Variants in GKAP1 observed in about 807,000 individuals in gnomAD.
GKAP1 encodes G kinase-anchoring protein 1.
GKAP1 carries 31 observed loss-of-function variants against 56.7 expected under a neutral mutation model. That is an observed-to-expected ratio of 0.55 (90% confidence interval 0.41 to 0.74). The LOEUF (loss-of-function observed/expected upper bound fraction) is 0.74. Ranked by LOEUF, GKAP1 falls within the 30% of genes least tolerant of loss-of-function variation. The pLI, the probability that GKAP1 is intolerant of heterozygous loss-of-function variation, is 0.00. For missense variants in GKAP1, 364 were observed against 402.3 expected (o/e 0.90, Z 0.82); for synonymous variants, 151 against 138.6 (o/e 1.09, Z -0.63).
chr9:83,806,203 G>A, intron 3 of GKAP1, 99 bp downstream of exon 3: 1 of 692,952 alleles, frequency 1.4e-6, no homozygotes, highest in Non-Finnish European at 2.4e-6. Context: ...GAGTACCTGT[G>A]GAACAGGTAC....
At chr9:83,751,394 T>G (rs1258307734) in intron 9 of GKAP1, among the ~76,000 whole-genome samples, 1 of 152,226 alleles carries the variant, frequency 6.6e-6, no homozygotes, top group Non-Finnish European at 1.5e-5. Flanking sequence ...TCCTACATTG[T>G]ACTGCAACTA....
intron 8 of GKAP1, among the ~76,000 whole-genome samples, chr9:83,762,358 T>G (rs1943588070): frequency 6.6e-6 from 1 of 151,018 alleles, no homozygotes; most frequent in Non-Finnish European, 1.5e-5. Context: ...CCAAACAAGA[T>G]CTCCATAATG....
intron 7 of GKAP1, among the ~76,000 whole-genome samples, chr9:83,769,427 A>C (rs150473177): frequency 0.011 from 1,641 of 152,242 alleles, 21 homozygotes; most frequent in Admixed American, 0.031. Context: ...AGGCAACACT[A>C]ATCTATTTAC....
intron 3 of GKAP1, among the ~76,000 whole-genome samples, chr9:83,802,534 G>T (rs906408725): frequency 6.6e-6 from 1 of 151,358 alleles, no homozygotes; most frequent in Non-Finnish European, 1.5e-5. Context: ...TACATTCAAT[G>T]CAAGTTACAG....
chr9:83,805,112 T>C (rs1327423568), intron 3 of GKAP1, among the ~76,000 whole-genome samples: 7 of 152,176 alleles, frequency 4.6e-5, no homozygotes, highest in Admixed American at 3.9e-4. Context: ...CTTTTCATTT[T>C]GTTCTGTACT....
intron 8 of GKAP1, among the ~76,000 whole-genome samples, chr9:83,766,356 C>G (rs1005706754): frequency 3.3e-5 from 5 of 151,790 alleles, no homozygotes; most frequent in African/African-American, 4.8e-5. Context: ...TGGACTAATA[C>G]GCTTGGATTG....
intron 9 of GKAP1, among the ~76,000 whole-genome samples, chr9:83,750,525 C>A (rs1484961912): frequency 6.6e-6 from 1 of 152,034 alleles, no homozygotes; most frequent in African/African-American, 2.4e-5. Context: ...ATCATCATCG[C>A]AAATATCTTC....
rs138618659 is a variant in GKAP1, at chr9:83,807,163, G to A, written c.-43-603C>T. Among the ~76,000 whole-genome samples, 261 of 152,324 alleles carry A rather than the reference G, an allele frequency of 1.7e-3. 1 individual carries two copies. The highest frequency in any genetic ancestry group is 5.8e-3 in the African/African-American group (243 of 41,574). On this transcript the variant is annotated intron_variant, in intron 2 of 12. Transcript: ENST00000376371. ...CTAGTTTCCATGCAAGCATAGGTCA[G>A]TGTAGCTTCATTCCATGTGCTGTCA...
intron 2 of GKAP1, among the ~76,000 whole-genome samples, chr9:83,810,997 T>C (rs1944498667): frequency 6.6e-6 from 1 of 152,238 alleles, no homozygotes; most frequent in Admixed American, 6.5e-5. Flanking sequence ...CAATGGTAAG[T>C]ATTTGTATAT....
At chr9:83,796,544 C>T (rs1192094483) in intron 4 of GKAP1, among the ~76,000 whole-genome samples, 3 of 152,120 alleles carry the variant, frequency 2.0e-5, no homozygotes, top group African/African-American at 2.4e-5. Context: ...AATCTTGGCT[C>T]ACAACCTCTG....
chr9:83,766,542 A>G (rs1943666763), intron 8 of GKAP1, among the ~76,000 whole-genome samples: 1 of 152,238 alleles, frequency 6.6e-6, no homozygotes, highest in South Asian at 2.1e-4. Flanking sequence ...GCATTAGAGT[A>G]AAAAGTTCTT....
In GKAP1 at chr9:83,739,504, T is replaced by C. The variant is rs1336666383; in HGVS notation, c.*193A>G. 9 of 422,672 alleles carry C rather than the reference T, an allele frequency of 2.1e-5. No individual in the cohort carries two copies. Among genetic ancestry groups the C allele is most frequent in the African/African-American group, 1.6e-4 (8 of 49,466 alleles). The allele number at this position is 422,672 out of a possible 1,614,324, so 26.2% of individuals were successfully genotyped here. A position where few individuals can be genotyped will look rare whatever the true frequency, so the allele number is the denominator to read the frequency against. ...TGGATAGTAGACAACCACTGAATTCTGCTGGAATTCTCTATTTCTTCTTTT... is the reference window on the plus strand; with the variant it reads ...TGGATAGTAGACAACCACTGAATTCCGCTGGAATTCTCTATTTCTTCTTTT... On this transcript the variant is annotated 3_prime_UTR_variant, in exon 13 of 13. Coordinates refer to ENST00000376371, the MANE Select transcript of GKAP1 (RefSeq NM_025211.4).
At chr9:83,808,688 A>T (rs953229454) in intron 2 of GKAP1, among the ~76,000 whole-genome samples, 7 of 152,196 alleles carry the variant, frequency 4.6e-5, no homozygotes. Flanking sequence ...ATTAATATTC[A>T]ATTTTAAATG....
At chr9:83,788,731 C>A in intron 4 of GKAP1, 53 bp from the exon 5 acceptor site, 1 of 1,036,228 alleles carries the variant, frequency 9.7e-7, no homozygotes, top group South Asian at 1.3e-5. Context: ...ATCACATGAG[C>A]AAAATAACCA....
chr9:83,808,231 A>C (rs766236064), intron 2 of GKAP1, among the ~76,000 whole-genome samples: 5 of 152,234 alleles, frequency 3.3e-5, no homozygotes, highest in Non-Finnish European at 7.3e-5. Flanking sequence ...AAATGTTTCA[A>C]AATGGAAAAG....
intron 8 of GKAP1, among the ~76,000 whole-genome samples, chr9:83,763,039 A>G (rs1384042144): frequency 6.6e-6 from 1 of 152,232 alleles, no homozygotes; most frequent in African/African-American, 2.4e-5. Flanking sequence ...AAGCAACCTA[A>G]GTGTACATCA....
chr9:83,811,489 C>G (rs1006812969), intron 2 of GKAP1, among the ~76,000 whole-genome samples: 1 of 152,096 alleles, frequency 6.6e-6, no homozygotes, highest in African/African-American at 2.4e-5. Context: ...ACAAAACAAA[C>G]ACAAAGCAAA....
At chr9:83,754,730 C>T (rs1943446151) in intron 8 of GKAP1, among the ~76,000 whole-genome samples, 1 of 152,162 alleles carries the variant, frequency 6.6e-6, no homozygotes, top group South Asian at 2.1e-4. Context: ...CCTGGAGGGC[C>T]TTGAAGGCCA....
chr9:83,788,670 A>T lies in GKAP1; in HGVS notation c.369T>A (p.Ser123=), dbSNP rs1474632501. Residue 123 remains serine (S), a synonymous_variant, in exon 5 of 13, where the codon TCT becomes TCA. Coordinates refer to ENST00000376371, the MANE Select transcript of GKAP1 (RefSeq NM_025211.4). ...TCTCAAGATCTGCTTCAAACATTTC[A>T]GATGTCAGCTACAAAAAAAAAGTTT... ...EWRQRDEQLT[S]EMFEADLEKA... 6.2e-7 allele frequency: 1 copy of T among 1,603,006 alleles called. No homozygotes were observed. The highest frequency in any genetic ancestry group is 2.2e-5 in the East Asian group (1 of 44,542).
Sources: gnomAD v4.1 joint callset for allele counts (sites outside exome capture counted in the v4.1 genomes callset) on GRCh38, gnomAD v4.1.1 for gene constraint, MANE v1.5 for transcripts, NCBI Gene and HGNC (gene_info 2026-07-23, HGNC 2026-07-21) for gene names.